SUMO3: variants seen among roughly 807,000 people sequenced by gnomAD.
SUMO3 encodes small ubiquitin-related modifier 3.
A neutral mutation model predicts 11.1 loss-of-function variants in SUMO3; 2 were observed. The ratio of observed to expected loss-of-function variants is 0.18; its 90% CI spans 0.07 to 0.57. The LOEUF (loss-of-function observed/expected upper bound fraction) is 0.57, where lower values mean the gene tolerates loss of function less well. Among genes scored for constraint, SUMO3 ranks in the 20% least tolerant of loss-of-function variants. The probability of loss-of-function intolerance (pLI) is 0.92; values close to 1 mark genes in which losing one functional copy is unlikely to be tolerated. For synonymous variants in SUMO3, 56 were observed against 53.5 expected, an observed-to-expected ratio of 1.05 and a Z score of -0.20; for missense variants, 70 against 132.8, an observed-to-expected ratio of 0.53 and a Z score of 2.32.
Position 44,807,100 on chromosome 21 carries a change from G to T in SUMO3, c.223-60C>A. 6.3e-7 allele frequency: 1 copy of T among 1,592,908 alleles called. No homozygotes were observed. Among genetic ancestry groups the T allele is most frequent in the Non-Finnish European group, 8.6e-7 (1 of 1,167,668 alleles). The stretch of plus-strand genomic sequence containing the variant: ...GAGGGGAGCCTGTTAGTTTTCATCA[G>T]AGAGTGGGAAGATCCTCACTGGCAT... On this transcript the variant is annotated intron_variant, in intron 3 of 3. Transcript: ENST00000332859. This position sits in a 1 kb window ranked among gnomAD's most constrained non-coding sequence, Gnocchi z 4.3.
Position 44,806,791 on chromosome 21 carries a change from A to C in SUMO3, c.*160T>G. 7.0e-7 allele frequency: 1 copy of C among 1,427,130 alleles called. No homozygotes were observed. The highest frequency in any genetic ancestry group is 2.6e-5 in the East Asian group (1 of 38,606). 88.4% of individuals were successfully genotyped at this position (1,427,130 alleles called of 1,614,324 possible). On this transcript the variant is annotated 3_prime_UTR_variant, in exon 4 of 4. Coordinates refer to ENST00000332859, the MANE Select transcript of SUMO3 (RefSeq NM_006936.3). ...ATTTAAGTTACAGATTCATCCCTGC[A>C]GATATAGTTTTGAGTTGCACTTGAA...
intron 1 of SUMO3, among the ~76,000 whole-genome samples, chr21:44,817,142 A>G: frequency 1.2e-5 from 1 of 81,724 alleles, no homozygotes; most frequent in African/African-American, 4.8e-5. Flanking sequence ...CATGATGGGG[A>G]GGAGTGGGTA....
chr21:44,817,651 C>G (rs1018691193), intron 1 of SUMO3, among the ~76,000 whole-genome samples: 7 of 150,286 alleles, frequency 4.7e-5, no homozygotes, highest in South Asian at 2.1e-4. Flanking sequence ...GCGCGGGGCC[C>G]GACACCGGGC....
chr21:44,814,149 T>C (rs2083230098), intron 1 of SUMO3, 45 bp from the exon 2 acceptor site: 2 of 1,592,778 alleles, frequency 1.3e-6, no homozygotes, highest in East Asian at 2.3e-5. Flanking sequence ...TGTCTCAAAA[T>C]AACCGCGACT....
rs577700723 is a variant in SUMO3 at position 44,811,915 on chromosome 21, G to T, written c.150+2061C>A. The stretch of plus-strand genomic sequence containing the variant: ...AACGTCCAGACCCATAAAGTGCCCA[G>T]CAGCATGAGTGAGAAAATCACCCAC... On this transcript the variant is annotated intron_variant, in intron 2 of 3. Transcript: ENST00000332859. This position sits in a 1 kb window ranked among gnomAD's most constrained non-coding sequence, Gnocchi z 5.0. Among the ~76,000 whole-genome samples, 2 of 152,278 alleles carry T rather than the reference G, an allele frequency of 1.3e-5. No homozygotes were observed. Among genetic ancestry groups the T allele is most frequent in the East Asian group, 3.9e-4 (2 of 5,178 alleles).
rs1023242059 is a variant in SUMO3 at position 44,811,628 on chromosome 21, A to T, written c.150+2348T>A. On this transcript the variant is annotated intron_variant, in intron 2 of 3. Transcript: ENST00000332859. This position sits in a 1 kb window ranked among gnomAD's most constrained non-coding sequence, Gnocchi z 5.0. ...AACACTCAAAGAACAGAAAGAAAAA[A>T]GAACTTTTGGAAATTAAAAATCATG... Among the ~76,000 whole-genome samples, 4 of 152,208 alleles carry T rather than the reference A, an allele frequency of 2.6e-5. No homozygotes were observed. The highest frequency in any genetic ancestry group is 9.6e-5 in the African/African-American group (4 of 41,454).
At chr21:44,815,870 G>C (rs1436476808) in intron 1 of SUMO3, among the ~76,000 whole-genome samples, 2 of 152,156 alleles carry the variant, frequency 1.3e-5, no homozygotes, top group Non-Finnish European at 2.9e-5. Context: ...AAAAAGTGAA[G>C]CCCTAAAAAC....
At chr21:44,817,510 C>A (rs2083253269) in intron 1 of SUMO3, among the ~76,000 whole-genome samples, 1 of 151,846 alleles carries the variant, frequency 6.6e-6, no homozygotes, top group Non-Finnish European at 1.5e-5. Context: ...GACACAGGAT[C>A]CCGCACCCAG....
chr21:44,807,514 G>A lies in SUMO3; in HGVS notation c.223-474C>T, dbSNP rs2083184616. 1.3e-5 allele frequency among the ~76,000 whole-genome samples: 2 copies of A among 152,098 alleles called. No individual in the cohort carries two copies. Among genetic ancestry groups the A allele is most frequent in the African/African-American group, 4.8e-5 (2 of 41,400 alleles). On this transcript the variant is annotated intron_variant, in intron 3 of 3. Transcript: ENST00000332859. The surrounding 1 kb of genome is among the most constrained non-coding windows in gnomAD (Gnocchi z 4.3). ...AGGGCCCGTCAAGTGAGGGTCCATT[G>A]CCAGCTTCTCCCCGCCCCTCCCCAT... is the stretch of plus-strand genomic sequence containing the variant.
chr21:44,806,756 G>T lies in SUMO3; in HGVS notation c.*195C>A. 7.4e-7 allele frequency: 1 copy of T among 1,345,132 alleles called. No homozygotes were observed. Among genetic ancestry groups the T allele is most frequent in the Non-Finnish European group, 9.7e-7 (1 of 1,026,752 alleles). The allele number at this position is 1,345,132 out of a possible 1,614,324, so 83.3% of individuals were successfully genotyped here. A position where few individuals can be genotyped will look rare whatever the true frequency, so the allele number is the denominator to read the frequency against. The stretch of plus-strand genomic sequence containing the variant: ...TTACCTGAACAAAGATAACAATTCT[G>T]ATTGGCCCAATTTAAGTTACAGATT... On this transcript the variant is annotated 3_prime_UTR_variant, in exon 4 of 4. Coordinates refer to ENST00000332859, the MANE Select transcript of SUMO3 (RefSeq NM_006936.3).
chr21:44,807,137 G>A lies in SUMO3; in HGVS notation c.223-97C>T. 1.4e-6 allele frequency: 2 copies of A among 1,413,668 alleles called. No homozygotes were observed. The highest frequency in any genetic ancestry group is 1.9e-6 in the Non-Finnish European group (2 of 1,035,456). The allele number at this position is 1,413,668 out of a possible 1,614,324, so 87.6% of individuals were successfully genotyped here. ...ATCCTCACTGGCATGAGTGTTCCCT[G>A]ACACTAGCGACATCACCTGGTCACA... On this transcript the variant is annotated intron_variant, in intron 3 of 3. Coordinates refer to ENST00000332859, the MANE Select transcript of SUMO3 (RefSeq NM_006936.3). The surrounding 1 kb of genome is among the most constrained non-coding windows in gnomAD (Gnocchi z 4.3).
chr21:44,812,052 C>CT (rs1292204918), intron 2 of SUMO3, among the ~76,000 whole-genome samples: 1 of 26,086 alleles, frequency 3.8e-5, no homozygotes, highest in Non-Finnish European at 7.6e-5. Context: ...GAACTTCTCA[C>CT]CTTTTTTTTT....
At chr21:44,817,698 G>A (rs926234838) in intron 1 of SUMO3, among the ~76,000 whole-genome samples, 2 of 150,546 alleles carry the variant, frequency 1.3e-5, no homozygotes, top group Non-Finnish European at 3.0e-5. Flanking sequence ...TTCCCAGCTG[G>A]GGAGGAGACG....
chr21:44,813,276 G>A (rs1378190122), intron 2 of SUMO3, among the ~76,000 whole-genome samples: 2 of 152,152 alleles, frequency 1.3e-5, no homozygotes, highest in African/African-American at 4.8e-5. Context: ...TGCAGGGCCG[G>A]GCCCCCAACA....
chr21:44,810,669 G>C lies in SUMO3; in HGVS notation c.151-1551C>G, dbSNP rs2146421777. Among the ~76,000 whole-genome samples, 1 of 152,272 alleles carries C rather than the reference G, an allele frequency of 6.6e-6. No individual in the cohort carries two copies. Among genetic ancestry groups the C allele is most frequent in the Non-Finnish European group, 1.5e-5 (1 of 68,018 alleles). On this transcript the variant is annotated intron_variant, in intron 2 of 3. Coordinates refer to ENST00000332859, the MANE Select transcript of SUMO3 (RefSeq NM_006936.3). This position sits in a 1 kb window ranked among gnomAD's most constrained non-coding sequence, Gnocchi z 4.1. ...CTCAACTCTCAAACTGTAGCATCTG[G>C]GCGCCTCCAGAACCTGCAATCCAGA...
In SUMO3 at chr21:44,807,248, A is replaced by AG. The variant is rs2146418772; in HGVS notation, c.223-209_223-208insC. 6.6e-6 allele frequency among the ~76,000 whole-genome samples: 1 copy of AG among 152,152 alleles called. No individual in the cohort carries two copies. Among genetic ancestry groups the AG allele is most frequent in the East Asian group, 1.9e-4 (1 of 5,174 alleles). On this transcript the variant is annotated intron_variant, in intron 3 of 3. Transcript: ENST00000332859. This position sits in a 1 kb window ranked among gnomAD's most constrained non-coding sequence, Gnocchi z 4.3. ...TGCTCACTACAGCCCTTACGGTTCA[A>AG]CAAGCTTCCCCTAACAAAACTCACA...
chr21:44,815,853 G>C (rs570241787), intron 1 of SUMO3, among the ~76,000 whole-genome samples: 1 of 152,218 alleles, frequency 6.6e-6, no homozygotes, highest in Non-Finnish European at 1.5e-5. Context: ...AAGTGAACTC[G>C]TGAGTTAAAA....
chr21:44,813,689 G>T, intron 2 of SUMO3: 1 of 849,966 alleles, frequency 1.2e-6, no homozygotes, highest in Non-Finnish European at 1.8e-6. Flanking sequence ...ACAGATGTTA[G>T]TACCCCATGG....
chr21:44,815,992 G>C (rs235335), intron 1 of SUMO3, among the ~76,000 whole-genome samples: 6,669 of 152,264 alleles, frequency 0.044, 193 homozygotes, highest in African/African-American at 0.065. Context: ...GGGCCCCAGA[G>C]TCCACCTCTT....
Sources: gnomAD v4.1 joint callset for allele counts (sites outside exome capture counted in the v4.1 genomes callset) on GRCh38, gnomAD v4.1.1 for gene constraint, Gnocchi (gnomAD v3.1) non-coding constraint, MANE v1.5 for transcripts, NCBI Gene and HGNC (gene_info 2026-07-23, HGNC 2026-07-21) for gene names.